MED12L: variants seen among roughly 807,000 people sequenced by gnomAD.
The protein encoded by MED12L is mediator complex subunit 12L.
In MED12L, 60 loss-of-function variants were observed where a neutral mutation model predicts 281.3. The ratio of observed to expected loss-of-function variants is 0.21; its 90% CI spans 0.17 to 0.26. The LOEUF (loss-of-function observed/expected upper bound fraction) is 0.26, where lower values mean the gene tolerates loss of function less well. Among genes scored for constraint, MED12L ranks in the 10% least tolerant of loss-of-function variants. MED12L has a pLI of 1.00. For synonymous variants in MED12L, 974 were observed against 987.2 expected (o/e 0.99, Z 0.25); for missense variants, 2,146 against 2,680.9 (o/e 0.80, Z 4.41).
intron 16 of MED12L, among the ~76,000 whole-genome samples, chr3:151,227,306 CTT>C (rs1418132423): frequency 6.6e-6 from 1 of 152,202 alleles, no homozygotes; most frequent in Non-Finnish European, 1.5e-5. Flanking sequence ...TCGGCCCTCT[CTT>C]GATTCCCTCT....
chr3:151,166,046 A>C, intron 11 of MED12L, 64 bp downstream of exon 11: 35 of 1,444,778 alleles, frequency 2.4e-5, no homozygotes, highest in Non-Finnish European at 3.0e-5. Flanking sequence ...CTTCTTTCTC[A>C]TTCAGGAAAC....
chr3:151,133,472 T>G (rs1715697784), intron 5 of MED12L, among the ~76,000 whole-genome samples: 1 of 152,158 alleles, frequency 6.6e-6, no homozygotes, highest in Admixed American at 6.5e-5. Flanking sequence ...TGAGGTCTCA[T>G]GTGTAACTTC....
intron 5 of MED12L, among the ~76,000 whole-genome samples, chr3:151,132,519 G>T (rs1476109481): frequency 6.6e-6 from 1 of 152,132 alleles, no homozygotes; most frequent in Non-Finnish European, 1.5e-5. Context: ...TAGCCTGGAG[G>T]TGATGCTGTG....
At chr3:151,161,790 A>G (rs1476539268) in intron 8 of MED12L, among the ~76,000 whole-genome samples, 4 of 152,214 alleles carry the variant, frequency 2.6e-5, no homozygotes, top group Non-Finnish European at 5.9e-5. Context: ...TCCACACTCA[A>G]CCACTATGCT....
At chr3:151,180,913 ATTC>A (rs972630096) in intron 11 of MED12L, among the ~76,000 whole-genome samples, 29 of 152,280 alleles carry the variant, frequency 1.9e-4, no homozygotes, top group East Asian at 7.7e-4. Context: ...CAACTACCCT[ATTC>A]TTCTTCCAAA....
rs113243663 is a variant in MED12L at position 151,247,306 on chromosome 3, A to G, written c.2250+53640A>G. ...ATAAATCATGCTGCTATAAAGACAC[A>G]TGCACACGTATGTTTATTGTGGCAT... is the stretch of plus-strand genomic sequence containing the variant. On this transcript the variant is annotated intron_variant, in intron 16 of 44. Coordinates refer to ENST00000687756, the MANE Select transcript of MED12L (RefSeq NM_001393769.1). Among the ~76,000 whole-genome samples the G allele has an allele frequency of 6.8e-3, 1,038 of 152,222 alleles. 7 individuals carry two copies. The highest frequency in any genetic ancestry group is 0.015 in the South Asian group (70 of 4,802).
intron 5 of MED12L, among the ~76,000 whole-genome samples, chr3:151,141,193 T>TTTTTTTG (rs1560088002): frequency 1.9e-5 from 2 of 105,122 alleles, no homozygotes; most frequent in African/African-American, 8.8e-5. Context: ...TTTTGTTTTT[T>TTTTTTTG]TTTTTTTGTT....
chr3:151,428,506 G>C (rs986825512), intron 43 of MED12L, among the ~76,000 whole-genome samples: 2 of 151,940 alleles, frequency 1.3e-5, no homozygotes, highest in Non-Finnish European at 2.9e-5. Context: ...GGAATTGAAG[G>C]CTCTTAGAAT....
intron 24 of MED12L, 109 bp downstream of exon 24, chr3:151,367,875 A>T: frequency 7.9e-7 from 1 of 1,271,842 alleles, no homozygotes; most frequent in Non-Finnish European, 1.1e-6. Flanking sequence ...GTATATTGGG[A>T]AGTGGTGTAG....
intron 16 of MED12L, among the ~76,000 whole-genome samples, chr3:151,258,939 C>T (rs1738350954): frequency 1.3e-5 from 2 of 151,362 alleles, no homozygotes; most frequent in Non-Finnish European, 2.9e-5. Context: ...GTTGTGTGTG[C>T]TGTTAGCCTC....
At chr3:151,366,046 T>G (rs2107923736) in intron 23 of MED12L, 55 bp downstream of exon 23, 3 of 1,363,710 alleles carry the variant, frequency 2.2e-6, no homozygotes, top group Non-Finnish European at 2.9e-6. Flanking sequence ...ATTTAGTTAG[T>G]GGGTAATCTT....
chr3:151,381,578 T>A (rs1712352208), intron 32 of MED12L, among the ~76,000 whole-genome samples: 1 of 152,188 alleles, frequency 6.6e-6, no homozygotes, highest in Non-Finnish European at 1.5e-5. Context: ...TTCCAGAGAT[T>A]AGCATGGCCT....
At chr3:151,171,353 A>C (rs1200547219) in intron 11 of MED12L, among the ~76,000 whole-genome samples, 1 of 152,108 alleles carries the variant, frequency 6.6e-6, no homozygotes, top group Non-Finnish European at 1.5e-5. Flanking sequence ...GTTTGGGATG[A>C]GTGTGAGCAC....
intron 16 of MED12L, among the ~76,000 whole-genome samples, chr3:151,293,672 CACA>C (rs1453633948): frequency 1.4e-5 from 2 of 140,046 alleles, no homozygotes; most frequent in African/African-American, 6.1e-5. Flanking sequence ...CACACACACA[CACA>C]CACCCTCTAC....
chr3:151,229,617 T>G (rs929000922), intron 16 of MED12L, among the ~76,000 whole-genome samples: 1 of 151,818 alleles, frequency 6.6e-6, no homozygotes. Context: ...TAGCTGGGAC[T>G]ACAGGCGCCC....
intron 11 of MED12L, among the ~76,000 whole-genome samples, chr3:151,180,883 T>C (rs1273792508): frequency 1.3e-5 from 2 of 152,264 alleles, no homozygotes; most frequent in Non-Finnish European, 1.5e-5. Context: ...TTTATTTCAC[T>C]ACATTGTTTA....
intron 39 of MED12L, among the ~76,000 whole-genome samples, chr3:151,399,594 T>TA (rs1215301927): frequency 1.1e-4 from 16 of 152,244 alleles, no homozygotes; most frequent in African/African-American, 3.6e-4. Context: ...ATCTCAGTGT[T>TA]AAAAGTATCA....
In MED12L at chr3:151,436,410, T is replaced by G; in HGVS notation, c.*3606T>G. 1.5e-5 allele frequency: 4 copies of G among 258,322 alleles called. No homozygotes were observed. Among genetic ancestry groups the G allele is most frequent in the Non-Finnish European group, 1.5e-5 (2 of 136,242 alleles). The allele number at this position is 258,322 out of a possible 1,614,324, so 16.0% of individuals were successfully genotyped here. A position where few individuals can be genotyped will look rare whatever the true frequency, so the allele number is the denominator to read the frequency against. On this transcript the variant is annotated 3_prime_UTR_variant, in exon 45 of 45. Coordinates refer to ENST00000687756, the MANE Select transcript of MED12L (RefSeq NM_001393769.1). ...CTGAAAAATTCAGGTACATTAGCCA[T>G]TTGTTATTTTATAGTGAACCGTTTC...
chr3:151,384,619 A>C (rs558832041), intron 35 of MED12L: 199 of 190,708 alleles, frequency 1.0e-3, no homozygotes, highest in Non-Finnish European at 1.3e-3. Context: ...TTAAAAAAAA[A>C]TTGTAAGAAA....
Sources: allele counts gnomAD v4.1 joint callset (sites outside exome capture counted in the v4.1 genomes callset), GRCh38; gene constraint gnomAD v4.1.1; transcripts MANE v1.5; gene names NCBI Gene and HGNC (gene_info 2026-07-23, HGNC 2026-07-21).